Variants in TENM3 observed in about 807,000 individuals in gnomAD.
TENM3 encodes the protein teneurin transmembrane protein 3.
TENM3 carries 63 observed loss-of-function variants against 255.1 expected under a neutral mutation model. The ratio of observed to expected loss-of-function variants is 0.25; its 90% CI spans 0.20 to 0.30. The LOEUF (loss-of-function observed/expected upper bound fraction) is 0.30, where lower values mean the gene tolerates loss of function less well. Ranked by LOEUF, TENM3 falls within the 10% of genes least tolerant of loss-of-function variation. The probability of loss-of-function intolerance (pLI) is 1.00; values close to 1 mark genes in which losing one functional copy is unlikely to be tolerated. For synonymous variants in TENM3, 1,306 were observed against 1,322.3 expected (o/e 0.99, Z 0.27); for missense variants, 2,929 against 3,461.1 (o/e 0.85, Z 3.86).
chr4:181,623,817 A>T, the TENM3 span, among the ~76,000 whole-genome samples: 1 of 152,222 alleles, frequency 6.6e-6, no homozygotes, highest in Non-Finnish European at 1.5e-5. Context: ...TTCAGATATT[A>T]AGCAATTTTA....
intron 3 of TENM3, among the ~76,000 whole-genome samples, chr4:182,523,841 A>T (rs1425668893): frequency 6.6e-6 from 1 of 151,068 alleles, no homozygotes; most frequent in Non-Finnish European, 1.5e-5. Flanking sequence ...TTTCGGAGAG[A>T]CAAATTGAAT....
chr4:181,764,525 T>C, the TENM3 span, among the ~76,000 whole-genome samples: 1 of 152,238 alleles, frequency 6.6e-6, no homozygotes, highest in Non-Finnish European at 1.5e-5. Flanking sequence ...TCTGGCCATC[T>C]TATGGTTACT....
intron 1 of TENM3, among the ~76,000 whole-genome samples, chr4:182,160,319 A>T (rs548195332): frequency 7.9e-5 from 12 of 152,250 alleles, no homozygotes; most frequent in Admixed American, 1.3e-4. Flanking sequence ...TTCTTTTTTT[A>T]AAAAAATGAA....
rs950984654 is a variant in TENM3 at position 182,754,398 on chromosome 4, G to C, written c.4031G>C (p.Trp1344Ser). Residue 1344 changes from tryptophan (W) to serine (S), a missense_variant, in exon 22 of 28, where the codon TGG (tryptophan) becomes TCG (serine). Trp to Ser is a radical substitution (Grantham distance 177, BLOSUM62 -3). Coordinates refer to ENST00000511685, the MANE Select transcript of TENM3 (RefSeq NM_001080477.4). This position sits in a 1 kb window ranked among gnomAD's most constrained non-coding sequence, Gnocchi z 5.1. The stretch of plus-strand genomic sequence containing the variant: ...TTTTTTATTAAGGTACGTCTGGAAT[G>C]GCCCACTGACCTAGCCATTAACCCT... ...SMHISQVRLE[W>S]PTDLAINPMD... The C allele has an allele frequency of 2.5e-6, 4 of 1,601,996 alleles. No homozygotes were observed. Among genetic ancestry groups the C allele is most frequent in the Non-Finnish European group, 3.4e-6 (4 of 1,172,976 alleles).
At chr4:181,900,595 T>A in the TENM3 span, among the ~76,000 whole-genome samples, 1 of 152,188 alleles carries the variant, frequency 6.6e-6, no homozygotes, top group Admixed American at 6.5e-5. Flanking sequence ...CCTCTTGCAA[T>A]ATACTCTTGA....
chr4:182,313,070 T>C (rs1481154420), intron 1 of TENM3, among the ~76,000 whole-genome samples: 1 of 152,204 alleles, frequency 6.6e-6, no homozygotes, highest in African/African-American at 2.4e-5. Flanking sequence ...GAATATATTC[T>C]CACTTTACTG....
the TENM3 span, among the ~76,000 whole-genome samples, chr4:181,937,010 C>T: frequency 6.6e-6 from 1 of 152,166 alleles, no homozygotes; most frequent in Non-Finnish European, 1.5e-5. Flanking sequence ...GGGGAGAATG[C>T]CATCTAATTA....
the TENM3 span, among the ~76,000 whole-genome samples, chr4:181,577,593 T>C: frequency 1.2e-4 from 18 of 152,186 alleles, no homozygotes; most frequent in Non-Finnish European, 2.5e-4. Context: ...GAAACTTGTC[T>C]CCATCCCTAT....
chr4:181,968,837 A>T, the TENM3 span, among the ~76,000 whole-genome samples: 1 of 152,084 alleles, frequency 6.6e-6, no homozygotes, highest in Non-Finnish European at 1.5e-5. Flanking sequence ...CCTACCATAA[A>T]TTTTTTTAAA....
At chr4:182,391,503 A>G (rs996890430) in intron 3 of TENM3, among the ~76,000 whole-genome samples, 3 of 152,224 alleles carry the variant, frequency 2.0e-5, no homozygotes, top group Non-Finnish European at 4.4e-5. Flanking sequence ...CTGCAAACAC[A>G]GGCACACGGC....
chr4:181,560,235 G>A, the TENM3 span, among the ~76,000 whole-genome samples: 1 of 152,018 alleles, frequency 6.6e-6, no homozygotes, highest in African/African-American at 2.4e-5. Flanking sequence ...GAAGGAGTGA[G>A]GGAGCTCTGT....
chr4:181,851,603 C>T, the TENM3 span, among the ~76,000 whole-genome samples: 77 of 151,882 alleles, frequency 5.1e-4, no homozygotes, highest in African/African-American at 1.7e-3. Context: ...CGCACGCAAA[C>T]GCACACACGC....
At chr4:182,017,461 A>G in the TENM3 span, among the ~76,000 whole-genome samples, 1 of 152,214 alleles carries the variant, frequency 6.6e-6, no homozygotes, top group Non-Finnish European at 1.5e-5. Flanking sequence ...ACATCATATT[A>G]TACTTGTATA....
chr4:182,540,480 G>A (rs550044238), intron 3 of TENM3, among the ~76,000 whole-genome samples: 51 of 152,242 alleles, frequency 3.3e-4, no homozygotes, highest in African/African-American at 1.2e-3. Flanking sequence ...CCCCAGCTAC[G>A]GGAGGCGGAG....
chr4:181,537,893 C>T, the TENM3 span, among the ~76,000 whole-genome samples: 1 of 152,196 alleles, frequency 6.6e-6, no homozygotes, highest in South Asian at 2.1e-4. Context: ...CTGGTTTTTA[C>T]ACACAAATGC....
At chr4:181,493,897 C>T in the TENM3 span, among the ~76,000 whole-genome samples, 1 of 152,062 alleles carries the variant, frequency 6.6e-6, no homozygotes. Context: ...CTCTATTTAC[C>T]ATAACAACAA....
intron 1 of TENM3, among the ~76,000 whole-genome samples, chr4:182,230,924 G>A (rs1756532817): frequency 6.8e-6 from 1 of 146,986 alleles, no homozygotes; most frequent in African/African-American, 2.5e-5. Context: ...CAGCAACGGA[G>A]TGGGTGCAGC....
chr4:182,716,808 G>A (rs1425704960), intron 13 of TENM3, among the ~76,000 whole-genome samples: 1 of 152,162 alleles, frequency 6.6e-6, no homozygotes, highest in Admixed American at 6.5e-5. Flanking sequence ...AGGATATATG[G>A]TGACTGATTG....
In TENM3 at chr4:182,680,257, T is replaced by G. The variant is rs1389772589; in HGVS notation, c.1547T>G (p.Val516Gly). ...TTTCCTTTTTCTTCAGAGTCTGTGGTGGAATGTCCCCGAAATTGCCATGGA... is the reference window on the plus strand; with the variant it reads ...TTTCCTTTTTCTTCAGAGTCTGTGGGGGAATGTCCCCGAAATTGCCATGGA... ...SFNTIVIESV[V>G]ECPRNCHGNG... The change falls in exon 9 of 28, where the codon GTG becomes GGG. Residue 516 changes from valine to glycine, a missense_variant. Coordinates refer to ENST00000511685, the MANE Select transcript of TENM3 (RefSeq NM_001080477.4). 6.2e-7 allele frequency: 1 copy of G among 1,612,478 alleles called. No individual in the cohort carries two copies. The highest frequency in any genetic ancestry group is 8.5e-7 in the Non-Finnish European group (1 of 1,178,614).
Sources: gnomAD v4.1 joint callset for allele counts (sites outside exome capture counted in the v4.1 genomes callset) on GRCh38, gnomAD v4.1.1 for gene constraint, Gnocchi (gnomAD v3.1) non-coding constraint, MANE v1.5 for transcripts, NCBI Gene and HGNC (gene_info 2026-07-23, HGNC 2026-07-21) for gene names.